WDR1: variants seen among roughly 807,000 people sequenced by gnomAD.
WDR1 encodes the protein WD repeat domain 1.
In WDR1, 21 loss-of-function variants were observed where a neutral mutation model predicts 71.9. The ratio of observed to expected loss-of-function variants is 0.29; its 90% CI spans 0.21 to 0.42. The LOEUF (loss-of-function observed/expected upper bound fraction) is 0.42. WDR1 is among the 10% of genes least tolerant of loss of function. The pLI is 1.00. For missense variants in WDR1, 696 were observed against 824.5 expected, an observed-to-expected ratio of 0.84 and a Z score of 1.91; for synonymous variants, 424 against 347.4, an observed-to-expected ratio of 1.22 and a Z score of -2.45.
intron 2 of WDR1, among the ~76,000 whole-genome samples, chr4:10,112,112 G>C (rs1713410255): frequency 6.6e-6 from 1 of 151,928 alleles, no homozygotes; most frequent in Non-Finnish European, 1.5e-5. Context: ...GGCATTTTAG[G>C]CTGGGTAATT....
At chr4:10,115,896 A>T in intron 2 of WDR1, 1 of 600,502 alleles carries the variant, frequency 1.7e-6, no homozygotes, top group Non-Finnish European at 2.9e-6. Flanking sequence ...GAAACGAACT[A>T]AGACTCAGTT....
chr4:10,106,761 G>A (rs544510419), intron 2 of WDR1, among the ~76,000 whole-genome samples: 15 of 152,184 alleles, frequency 9.9e-5, no homozygotes, highest in Non-Finnish European at 2.1e-4. Flanking sequence ...CTGGGTCAGC[G>A]GTGGGGGCTG....
rs1478727598 is a variant in WDR1, at chr4:10,075,148, A to G, written c.*230T>C. The G allele has an allele frequency of 1.9e-6, 1 of 529,522 alleles. No homozygotes were observed. The highest frequency in any genetic ancestry group is 3.4e-6 in the Non-Finnish European group (1 of 298,430). The allele number at this position is 529,522 out of a possible 1,614,324, so 32.8% of individuals were successfully genotyped here. On this transcript the variant is annotated 3_prime_UTR_variant, in exon 15 of 15. Coordinates refer to ENST00000499869, the MANE Select transcript of WDR1 (RefSeq NM_017491.5). ...TGTGGGTTTTAGTTATGCTCCACAC[A>G]TTGTTTAGGTGCTCGCTTTATTTTT...
At chr4:10,083,265 T>A in intron 9 of WDR1, 87 bp from the exon 10 acceptor site, 2 of 1,470,102 alleles carry the variant, frequency 1.4e-6, no homozygotes, top group Non-Finnish European at 1.8e-6. Context: ...TCCATTTACA[T>A]CAAGAATGAG....
intron 9 of WDR1, 71 bp downstream of exon 9, chr4:10,084,372 G>T: frequency 6.9e-7 from 1 of 1,449,022 alleles, no homozygotes; most frequent in Non-Finnish European, 9.5e-7. Context: ...CTGGCCTCTG[G>T]CATCATGGGA....
chr4:10,077,718 G>A, intron 13 of WDR1, 35 bp downstream of exon 13: 1 of 1,533,838 alleles, frequency 6.5e-7, no homozygotes. Flanking sequence ...GCACCGCCCA[G>A]CACGGGGACA....
intron 5 of WDR1, among the ~76,000 whole-genome samples, chr4:10,089,234 G>A (rs897415375): frequency 9.2e-5 from 14 of 152,134 alleles, no homozygotes; most frequent in Admixed American, 2.6e-4. Context: ...TCAGCCTCCC[G>A]AGTAGCTGGG....
chr4:10,110,713 T>G (rs1713298230), intron 2 of WDR1, among the ~76,000 whole-genome samples: 8 of 152,230 alleles, frequency 5.3e-5, no homozygotes, highest in Admixed American at 5.2e-4. Context: ...CTTAACCTGG[T>G]GCCTTCGAAG....
At chr4:10,083,276 A>C (rs890345952) in intron 9 of WDR1, 98 bp from the exon 10 acceptor site, 58 of 1,425,172 alleles carry the variant, frequency 4.1e-5, no homozygotes, top group Non-Finnish European at 5.4e-5. Context: ...CAAGAATGAG[A>C]ATCTCGCCGC....
chr4:10,103,991 A>T lies in WDR1; in HGVS notation c.139-5T>A. The T allele has an allele frequency of 1.9e-6, 3 of 1,592,978 alleles. No homozygotes were observed. Among genetic ancestry groups the T allele is most frequent in the Non-Finnish European group, 2.6e-6 (3 of 1,169,834 alleles). On this transcript the variant is annotated splice_region_variant and splice_polypyrimidine_tract_variant and intron_variant, in intron 2 of 14. Coordinates refer to ENST00000499869, the MANE Select transcript of WDR1 (RefSeq NM_017491.5). ...GATGTCAGCAAGGGCTGGGTTCTGC[A>T]GGAGGAGACCCCGGAATGAACAGAA...
chr4:10,111,657 G>A lies in WDR1; in HGVS notation c.138+4456C>T, dbSNP rs984422031. 5.9e-5 allele frequency among the ~76,000 whole-genome samples: 9 copies of A among 152,152 alleles called. No homozygotes were observed. The East Asian group carries it at 7.7e-4, about 13-fold the overall frequency. On this transcript the variant is annotated intron_variant, in intron 2 of 14. Coordinates refer to ENST00000499869, the MANE Select transcript of WDR1 (RefSeq NM_017491.5). ...AGGTAGTCAGCAGGCGTCCAATTCC[G>A]GAGAAGCAGCTAGGTCAGTCCTCAA...
intron 2 of WDR1, among the ~76,000 whole-genome samples, chr4:10,108,624 T>C (rs927568316): frequency 3.9e-5 from 6 of 152,254 alleles, no homozygotes; most frequent in Admixed American, 1.3e-4. Context: ...CTGCTGTAAC[T>C]GACCTGTGCA....
chr4:10,089,404 C>A (rs148808571), intron 5 of WDR1, among the ~76,000 whole-genome samples: 50 of 152,292 alleles, frequency 3.3e-4, no homozygotes, highest in Middle Eastern at 6.8e-3. Context: ...CTGCGCCTGG[C>A]CAATAATTAA....
intron 5 of WDR1, among the ~76,000 whole-genome samples, chr4:10,089,615 C>G (rs1390510114): frequency 6.6e-6 from 1 of 152,236 alleles, no homozygotes; most frequent in East Asian, 1.9e-4. Flanking sequence ...GCCCTGCCCT[C>G]TTGCTGCCCA....
At chr4:10,116,342 G>C in intron 1 of WDR1, 108 bp from the exon 2 acceptor site, 6 of 1,481,474 alleles carry the variant, frequency 4.1e-6, no homozygotes, top group Non-Finnish European at 5.5e-6. Context: ...TGTTGACTGC[G>C]CCGGGAGGGC....
At chr4:10,087,670 AC>A in intron 8 of WDR1, 36 bp downstream of exon 8, 1 of 1,529,700 alleles carries the variant, frequency 6.5e-7, no homozygotes, top group Non-Finnish European at 8.8e-7. Context: ...TTCCCTGTCC[AC>A]CCAGCGGGCA....
intron 2 of WDR1, among the ~76,000 whole-genome samples, chr4:10,111,965 T>C (rs549026274): frequency 6.6e-6 from 1 of 152,320 alleles, no homozygotes; most frequent in South Asian, 2.1e-4. Flanking sequence ...AGGAACTGGA[T>C]ACTTTAAAAA....
At chr4:10,088,267 A>G in intron 7 of WDR1, 26 bp downstream of exon 7, 1 of 1,547,862 alleles carries the variant, frequency 6.5e-7, no homozygotes, top group Non-Finnish European at 8.7e-7. Flanking sequence ...TCCCACCACT[A>G]GGCCGGGAAA....
chr4:10,103,700 T>A (rs1712842659), intron 3 of WDR1, among the ~76,000 whole-genome samples, 196 bp downstream of exon 3: 1 of 152,212 alleles, frequency 6.6e-6, no homozygotes, highest in Non-Finnish European at 1.5e-5. Flanking sequence ...TGGACAAGGC[T>A]GGCTTACACA....
Sources: gnomAD v4.1 joint callset for allele counts (sites outside exome capture counted in the v4.1 genomes callset) on GRCh38, gnomAD v4.1.1 for gene constraint, MANE v1.5 for transcripts, NCBI Gene and HGNC (gene_info 2026-07-23, HGNC 2026-07-21) for gene names.